COL27A1: variants seen among roughly 807,000 people sequenced by gnomAD.
COL27A1 encodes collagen alpha-1(XXVII) chain.
Under a neutral mutation model 251.3 loss-of-function variants are expected in COL27A1, and 106 were observed. The ratio of observed to expected loss-of-function variants is 0.42; its 90% CI spans 0.36 to 0.50. The LOEUF (loss-of-function observed/expected upper bound fraction) is 0.50. Among genes scored for constraint, COL27A1 ranks in the 20% least tolerant of loss-of-function variants. COL27A1 has a pLI of 0.00. For synonymous variants in COL27A1, 1,000 were observed against 986.3 expected (o/e 1.01, Z -0.26); for missense variants, 2,325 against 2,522.8 (o/e 0.92, Z 1.68).
chr9:114,256,249 T>C (rs1240367430), intron 27 of COL27A1, among the ~76,000 whole-genome samples: 1 of 152,202 alleles, frequency 6.6e-6, no homozygotes, highest in African/African-American at 2.4e-5. Context: ...CCCAGCACTT[T>C]GGGAGGCCGA....
At chr9:114,247,388 G>C (rs980459116) in intron 24 of COL27A1, among the ~76,000 whole-genome samples, 53 of 152,234 alleles carry the variant, frequency 3.5e-4, no homozygotes, top group Admixed American at 3.3e-4. Flanking sequence ...ATTTCAATTA[G>C]AGGTTCATGA....
chr9:114,183,222 T>C lies in COL27A1; in HGVS notation c.2016+147T>C, dbSNP rs1828072797. ...GCCAGGGGCACCCTCTGGGCCCCTT[T>C]CCAGGGCTGGGCCCTGTGCCTGGTC... On this transcript the variant is annotated intron_variant, in intron 5 of 60. Transcript: ENST00000356083. The C allele has an allele frequency of 1.9e-5, 14 of 739,220 alleles. No individual in the cohort carries two copies. The East Asian group carries it at 3.6e-4, about 19-fold the overall frequency. The allele number at this position is 739,220 out of a possible 1,614,324, so 45.8% of individuals were successfully genotyped here.
rs2135430352 is a variant in COL27A1 at position 114,231,072 on chromosome 9, C to T, written c.2467-7C>T. The T allele has an allele frequency of 6.2e-7, 1 of 1,612,124 alleles. No individual in the cohort carries two copies. The highest frequency in any genetic ancestry group is 8.5e-7 in the Non-Finnish European group (1 of 1,178,958). Reference sequence around the variant, plus strand: ...CACAGCACCCTCTTCTCTTTCTCTCCCCACAGGGTGACTTAGGAGTGTTGG... The same window carrying T: ...CACAGCACCCTCTTCTCTTTCTCTCTCCACAGGGTGACTTAGGAGTGTTGG... On this transcript the variant is annotated splice_polypyrimidine_tract_variant and splice_region_variant and intron_variant, in intron 14 of 60. Transcript: ENST00000356083.
chr9:114,202,164 G>C (rs113275636), intron 7 of COL27A1, among the ~76,000 whole-genome samples: 2 of 152,192 alleles, frequency 1.3e-5, no homozygotes, highest in Non-Finnish European at 2.9e-5. Flanking sequence ...TGAGTAAAAG[G>C]GTTTACTTGA....
chr9:114,299,982 G>T (rs1828503453), intron 49 of COL27A1, 88 bp from the exon 50 acceptor site: 3 of 1,287,266 alleles, frequency 2.3e-6, no homozygotes, highest in African/African-American at 2.9e-5. Context: ...GGCTGGGAGG[G>T]AAAAGGCAGG....
intron 12 of COL27A1, among the ~76,000 whole-genome samples, chr9:114,211,251 T>G (rs944690792): frequency 1.6e-4 from 25 of 152,150 alleles, no homozygotes; most frequent in African/African-American, 6.0e-4. Context: ...CCCTCTGGGG[T>G]AGCTCCTGTC....
chr9:114,220,994 C>CAA (rs35673362), intron 13 of COL27A1, among the ~76,000 whole-genome samples: 2,357 of 107,410 alleles, frequency 0.022, 77 homozygotes, highest in African/African-American at 0.082. Flanking sequence ...GACTCTGTCT[C>CAA]AAAAAAAAAA....
At chr9:114,201,166 G>A (rs1293385245) in intron 7 of COL27A1, among the ~76,000 whole-genome samples, 2 of 152,194 alleles carry the variant, frequency 1.3e-5, no homozygotes, top group East Asian at 3.8e-4. Context: ...GTGGAGACCC[G>A]CCTGCTGGGC....
At chr9:114,171,265 G>T (rs1588576856) in intron 3 of COL27A1, among the ~76,000 whole-genome samples, 2 of 152,122 alleles carry the variant, frequency 1.3e-5, no homozygotes, top group Admixed American at 1.3e-4. Flanking sequence ...GCCAGGACCT[G>T]CCCAAGGCCA....
intron 25 of COL27A1, among the ~76,000 whole-genome samples, chr9:114,250,948 T>C (rs1833501089): frequency 6.6e-6 from 1 of 152,154 alleles, no homozygotes; most frequent in South Asian, 2.1e-4. Flanking sequence ...CTACTGGCCC[T>C]GCACAGGGGT....
At chr9:114,262,070 C>T (rs114560070) in intron 28 of COL27A1, among the ~76,000 whole-genome samples, 3,230 of 152,248 alleles carry the variant, frequency 0.021, 112 homozygotes, top group African/African-American at 0.074. Context: ...TATGTCTCAG[C>T]GAGAGACAGA....
At chr9:114,198,289 G>A (rs1829303647) in intron 7 of COL27A1, among the ~76,000 whole-genome samples, 1 of 152,152 alleles carries the variant, frequency 6.6e-6, no homozygotes, top group Non-Finnish European at 1.5e-5. Context: ...TCCTTGTGGG[G>A]GTGTGGGGAG....
intron 41 of COL27A1, 119 bp downstream of exon 41, chr9:114,284,896 A>C (rs1489110822): frequency 3.7e-6 from 4 of 1,086,170 alleles, no homozygotes; most frequent in Non-Finnish European, 1.4e-6. Flanking sequence ...GTGGGGGCTC[A>C]CCCCCTGCAG....
chr9:114,234,846 C>T lies in COL27A1; in HGVS notation c.2566-753C>T, dbSNP rs575315120. Among the ~76,000 whole-genome samples the T allele has an allele frequency of 1.7e-4, 25 of 150,858 alleles. No homozygotes were observed. The South Asian group carries it at 5.0e-3, about 30-fold the overall frequency. ...TAATCCCAGCACGAGGCGGGCAGAT[C>T]ATCTGAGTTCAGGAGTTCAAGACCA... is the stretch of plus-strand genomic sequence containing the variant. On this transcript the variant is annotated intron_variant, in intron 16 of 60. Coordinates refer to ENST00000356083, the MANE Select transcript of COL27A1 (RefSeq NM_032888.4).
At chr9:114,179,836 T>C (rs374533233) in intron 4 of COL27A1, among the ~76,000 whole-genome samples, 21 of 29,778 alleles carry the variant, frequency 7.1e-4, no homozygotes, top group African/African-American at 1.8e-3. Flanking sequence ...TACCATCTTT[T>C]TTTTTTTTTT....
intron 27 of COL27A1, among the ~76,000 whole-genome samples, chr9:114,258,134 T>A (rs576894982): frequency 5.9e-5 from 9 of 152,332 alleles, no homozygotes; most frequent in Admixed American, 5.9e-4. Context: ...AGCTCAAGGC[T>A]GCACTGCACT....
At chr9:114,242,633 A>G (rs1195741526) in intron 22 of COL27A1, among the ~76,000 whole-genome samples, 1 of 152,180 alleles carries the variant, frequency 6.6e-6, no homozygotes, top group Non-Finnish European at 1.5e-5. Flanking sequence ...CACTTGTCCT[A>G]CACCCCTTCT....
In COL27A1 at chr9:114,300,612, C is replaced by T. The variant is rs940091095; in HGVS notation, c.4639-13C>T. 6.5e-7 allele frequency: 1 copy of T among 1,535,368 alleles called. No homozygotes were observed. Among genetic ancestry groups the T allele is most frequent in the Non-Finnish European group, 8.7e-7 (1 of 1,143,086 alleles). ...CTGCCAAGTACAGACAGCCCTTTCT[C>T]TGCCTCCCACAGGGCCCGCCTGGAG... On this transcript the variant is annotated splice_polypyrimidine_tract_variant and intron_variant, in intron 50 of 60. Transcript: ENST00000356083.
At chr9:114,164,062 A>C (rs1848671440) in intron 2 of COL27A1, among the ~76,000 whole-genome samples, 1 of 152,168 alleles carries the variant, frequency 6.6e-6, no homozygotes, top group African/African-American at 2.4e-5. Flanking sequence ...GCAGAATAGC[A>C]TCATGGCTAA....
Sources: allele counts gnomAD v4.1 joint callset (sites outside exome capture counted in the v4.1 genomes callset), GRCh38; gene constraint gnomAD v4.1.1; transcripts MANE v1.5; gene names NCBI Gene and HGNC (gene_info 2026-07-23, HGNC 2026-07-21).